Variants in GPR149 observed in about 807,000 individuals in gnomAD.
The protein encoded by GPR149 is G protein-coupled receptor 149, also known as probable G protein-coupled receptor 149.
A neutral mutation model predicts 50.2 loss-of-function variants in GPR149; 50 were observed. That is an observed-to-expected ratio of 1.00 (90% CI 0.79 to 1.26). The LOEUF is 1.26. GPR149 is among the 50% of genes most tolerant of loss of function. GPR149 has a pLI of 0.00. For synonymous variants in GPR149, 405 were observed against 358.2 expected (o/e 1.13, Z -1.48); for missense variants, 983 against 895.4 (o/e 1.10, Z -1.25).
chr3:154,369,896 A>G (rs1215273391), intron 3 of GPR149, among the ~76,000 whole-genome samples: 1 of 152,162 alleles, frequency 6.6e-6, no homozygotes, highest in Non-Finnish European at 1.5e-5. Context: ...AGCCAGGTAA[A>G]TGATCGAATG....
intron 3 of GPR149, among the ~76,000 whole-genome samples, chr3:154,370,840 T>C (rs1714648181): frequency 6.6e-6 from 1 of 152,198 alleles, no homozygotes; most frequent in Admixed American, 6.5e-5. Context: ...CAGCTGCCAT[T>C]AGGAGACTTT....
At chr3:154,355,450 G>C (rs1714197176) in intron 3 of GPR149, among the ~76,000 whole-genome samples, 1 of 152,216 alleles carries the variant, frequency 6.6e-6, no homozygotes, top group African/African-American at 2.4e-5. Flanking sequence ...TTGGATTTAA[G>C]TGTGTTGTTT....
At chr3:154,346,606 CTTT>C (rs531660881) in intron 3 of GPR149, among the ~76,000 whole-genome samples, 1 of 143,854 alleles carries the variant, frequency 7.0e-6, no homozygotes, top group Non-Finnish European at 1.5e-5. Context: ...TTTTCTTTTT[CTTT>C]TTTTTTTTTG....
At chr3:154,346,476 C>T (rs553201407) in intron 3 of GPR149, among the ~76,000 whole-genome samples, 16 of 152,120 alleles carry the variant, frequency 1.1e-4, no homozygotes, top group African/African-American at 2.9e-4. Flanking sequence ...AGAACAAGGG[C>T]AAGAAAATGA....
chr3:154,389,496 C>A (rs990728605), intron 3 of GPR149, among the ~76,000 whole-genome samples: 3 of 152,034 alleles, frequency 2.0e-5, no homozygotes, highest in African/African-American at 7.2e-5. Context: ...GAGATACTGG[C>A]TTCTGTCTCA....
At chr3:154,380,586 C>A (rs1714898727) in intron 3 of GPR149, among the ~76,000 whole-genome samples, 1 of 152,158 alleles carries the variant, frequency 6.6e-6, no homozygotes, top group African/African-American at 2.4e-5. Flanking sequence ...GGATTAGAGG[C>A]AAGAGTCACT....
At chr3:154,401,710 G>A (rs1711553376) in intron 3 of GPR149, among the ~76,000 whole-genome samples, 1 of 152,124 alleles carries the variant, frequency 6.6e-6, no homozygotes, top group Admixed American at 6.5e-5. Flanking sequence ...AATTTTGGCT[G>A]TATAATCATA....
intron 3 of GPR149, among the ~76,000 whole-genome samples, chr3:154,408,268 A>G (rs1711748499): frequency 6.6e-6 from 1 of 152,200 alleles, no homozygotes; most frequent in Non-Finnish European, 1.5e-5. Flanking sequence ...GACTCACATC[A>G]TGAACTTTTG....
chr3:154,421,212 C>G lies in GPR149; in HGVS notation c.1450G>C (p.Asp484His). The G allele has an allele frequency of 2.5e-6, 4 of 1,613,488 alleles. No homozygotes were observed. The highest frequency in any genetic ancestry group is 1.3e-5 in the African/African-American group (1 of 74,984). ...TNTDITEAKQDSNNKKDAFSD... is the reference protein window; with the variant it reads ...TNTDITEAKQHSNNKKDAFSD... ...AACGCATCCTTTTTGTTGTTGGAAT[C>G]CTGTTTAGCTTCTGTAATATCAGTA... Residue 484 changes from aspartate to histidine, a missense_variant, in exon 3 of 4, where the codon GAT (aspartate) becomes CAT (histidine). Coordinates refer to ENST00000389740, the MANE Select transcript of GPR149 (RefSeq NM_001038705.3).
chr3:154,365,997 A>G (rs945571311), intron 3 of GPR149, among the ~76,000 whole-genome samples: 5 of 152,126 alleles, frequency 3.3e-5, no homozygotes, highest in Non-Finnish European at 4.4e-5. Flanking sequence ...GCCTCTACCC[A>G]TTATCTATTT....
At chr3:154,356,553 C>A (rs538674711) in intron 3 of GPR149, among the ~76,000 whole-genome samples, 4 of 152,106 alleles carry the variant, frequency 2.6e-5, no homozygotes, top group African/African-American at 9.6e-5. Flanking sequence ...AAACAGAGAG[C>A]CAAATCATGA....
At chr3:154,375,372 CT>C (rs943059011) in intron 3 of GPR149, among the ~76,000 whole-genome samples, 6 of 152,100 alleles carry the variant, frequency 3.9e-5, no homozygotes, top group Admixed American at 3.9e-4. Flanking sequence ...TCATCATAGC[CT>C]ATCACAGGGC....
chr3:154,350,828 C>A (rs906304485), intron 3 of GPR149, among the ~76,000 whole-genome samples: 9 of 152,076 alleles, frequency 5.9e-5, no homozygotes, highest in Non-Finnish European at 2.9e-5. Context: ...TGCTTAAGTC[C>A]CTTATATAAA....
intron 3 of GPR149, among the ~76,000 whole-genome samples, chr3:154,371,766 A>G (rs955460907): frequency 6.6e-6 from 1 of 152,174 alleles, no homozygotes; most frequent in Non-Finnish European, 1.5e-5. Context: ...AGAAAAAAGG[A>G]GCTTGAACAC....
At chr3:154,418,749 G>A (rs1395247089) in intron 3 of GPR149, among the ~76,000 whole-genome samples, 2 of 150,876 alleles carry the variant, frequency 1.3e-5, no homozygotes, top group African/African-American at 4.9e-5. Context: ...GCACCAGCAT[G>A]GCACATGTAT....
intron 3 of GPR149, among the ~76,000 whole-genome samples, chr3:154,403,803 C>G (rs913138886): frequency 6.6e-6 from 1 of 150,396 alleles, no homozygotes; most frequent in Non-Finnish European, 1.5e-5. Context: ...AAAAAAAGAG[C>G]TGCCAGCATG....
At chr3:154,381,930 G>A (rs772183065) in intron 3 of GPR149, among the ~76,000 whole-genome samples, 7 of 152,202 alleles carry the variant, frequency 4.6e-5, no homozygotes, top group African/African-American at 9.6e-5. Flanking sequence ...ACCCAGATGC[G>A]TCAAATAGAT....
chr3:154,353,763 A>G, intron 3 of GPR149: 1 of 766,952 alleles, frequency 1.3e-6, no homozygotes, highest in Non-Finnish European at 2.3e-6. Context: ...AGGGGATGGC[A>G]AAAAAGAATG....
intron 2 of GPR149, among the ~76,000 whole-genome samples, chr3:154,424,471 A>T (rs1351099574): frequency 6.6e-6 from 1 of 151,912 alleles, no homozygotes; most frequent in Non-Finnish European, 1.5e-5. Flanking sequence ...TGATTTATTT[A>T]TAGGAGGAAG....
Sources: allele counts gnomAD v4.1 joint callset (sites outside exome capture counted in the v4.1 genomes callset), GRCh38; gene constraint gnomAD v4.1.1; transcripts MANE v1.5; gene names NCBI Gene and HGNC (gene_info 2026-07-23, HGNC 2026-07-21).